Variants in SOS2 observed in about 807,000 individuals in gnomAD.
SOS2 encodes son of sevenless homolog 2.
A neutral mutation model predicts 148.2 loss-of-function variants in SOS2; 65 were observed. The observed-to-expected ratio is 0.44, with a 90% CI of 0.36 to 0.54. The LOEUF is 0.54. SOS2 is among the 20% of genes least tolerant of loss of function. The pLI is 0.00. For synonymous variants in SOS2, 539 were observed against 537.1 expected (o/e 1.00, Z -0.05); for missense variants, 1,341 against 1,590.2 (o/e 0.84, Z 2.67).
chr14:50,175,428 C>CTTTTTT (rs71441277), intron 7 of SOS2, among the ~76,000 whole-genome samples: 1 of 119,870 alleles, frequency 8.3e-6, no homozygotes. Flanking sequence ...AGGAGTAATA[C>CTTTTTT]TTTTTTTTTT....
At position 50,152,355 on chromosome 14, in the gene SOS2, C is replaced by G. The variant is rs190494536; in HGVS notation, c.2161+715G>C. ...CTCTCTTTCAGATTTCAGAAATATACCAAAAACATTTCCAGAAGATGTAAA... is the reference window on the plus strand; with the variant it reads ...CTCTCTTTCAGATTTCAGAAATATAGCAAAAACATTTCCAGAAGATGTAAA... On this transcript the variant is annotated intron_variant, in intron 13 of 22. Coordinates refer to ENST00000216373, the MANE Select transcript of SOS2 (RefSeq NM_006939.4). 1.8e-3 allele frequency among the ~76,000 whole-genome samples: 268 copies of G among 151,836 alleles called. 2 individuals are homozygous for G. The highest frequency in any genetic ancestry group is 6.3e-3 in the African/African-American group (261 of 41,384).
chr14:50,177,624 CTG>C (rs1289859067), intron 7 of SOS2, among the ~76,000 whole-genome samples: 1 of 151,858 alleles, frequency 6.6e-6, no homozygotes, highest in African/African-American at 2.4e-5. Flanking sequence ...TTCTTATAGA[CTG>C]TGTATTTAAT....
intron 19 of SOS2, among the ~76,000 whole-genome samples, chr14:50,132,929 G>C (rs1018000310): frequency 6.6e-6 from 1 of 152,108 alleles, no homozygotes; most frequent in African/African-American, 2.4e-5. Flanking sequence ...CAGATCATTA[G>C]GCATCCACTT....
chr14:50,123,511 A>G (rs1471579407), intron 21 of SOS2, among the ~76,000 whole-genome samples: 1 of 151,026 alleles, frequency 6.6e-6, no homozygotes, highest in African/African-American at 2.4e-5. Context: ...CCTCCTGAGT[A>G]TGCTGGGATT....
At position 50,181,544 on chromosome 14, in the gene SOS2, C is replaced by T. The variant is rs557684760; in HGVS notation, c.859-862G>A. On this transcript the variant is annotated intron_variant, in intron 6 of 22. Coordinates refer to ENST00000216373, the MANE Select transcript of SOS2 (RefSeq NM_006939.4). ...AAAAAAAAAGGAAAAAACTCTACAA[C>T]CTATGGATAATAGATAGTTAAAATA... Among the ~76,000 whole-genome samples, 9 of 151,032 alleles carry T rather than the reference C, an allele frequency of 6.0e-5. No homozygotes were observed. In the South Asian group the frequency reaches 1.9e-3, roughly 32 times the overall value.
chr14:50,199,628 G>A, intron 4 of SOS2, 63 bp downstream of exon 4: 1 of 973,102 alleles, frequency 1.0e-6, no homozygotes, highest in South Asian at 1.9e-5. Flanking sequence ...TACACAAAAA[G>A]ATTGAGGCAG....
intron 16 of SOS2, among the ~76,000 whole-genome samples, chr14:50,144,432 A>G (rs948246883): frequency 6.6e-6 from 1 of 151,758 alleles, no homozygotes; most frequent in African/African-American, 2.4e-5. Context: ...TAATTTAAAA[A>G]ATATATATAT....
chr14:50,228,656 G>A (rs1260330819), intron 1 of SOS2, among the ~76,000 whole-genome samples: 1 of 152,146 alleles, frequency 6.6e-6, no homozygotes, highest in Non-Finnish European at 1.5e-5. Flanking sequence ...GGACTAAACT[G>A]ACAGAGCCAA....
At chr14:50,193,910 G>A (rs571868826) in intron 4 of SOS2, among the ~76,000 whole-genome samples, 18 of 151,840 alleles carry the variant, frequency 1.2e-4, no homozygotes, top group South Asian at 2.1e-4. Context: ...ACGTCTGGAC[G>A]ATTTTTTGTA....
At chr14:50,214,838 C>CT (rs565287023) in intron 1 of SOS2, among the ~76,000 whole-genome samples, 4,352 of 136,538 alleles carry the variant, frequency 0.032, 78 homozygotes, top group Middle Eastern at 0.048. Context: ...TTCTTTCTTT[C>CT]TTTTTTTTTT....
rs183233602 is a variant in SOS2 at position 50,135,376 on chromosome 14, G to A, written c.2959-1137C>T. ...TTTAAGCTTAAATTTAAGTTTTAAC[G>A]TAGAAAATTCAGGTGATTTAGCACT... On this transcript the variant is annotated intron_variant, in intron 18 of 22. Transcript: ENST00000216373. Among the ~76,000 whole-genome samples the A allele has an allele frequency of 4.2e-3, 633 of 151,152 alleles. 17 individuals are homozygous for A. Among genetic ancestry groups the A allele is most frequent in the Non-Finnish European group, 2.0e-3 (134 of 67,822 alleles).
Position 50,156,976 on chromosome 14 carries a change from TATA to T in SOS2, c.2057+20_2057+22del. The T allele has an allele frequency of 2.9e-6, 4 of 1,381,032 alleles. No homozygotes were observed. Among genetic ancestry groups the T allele is most frequent in the Non-Finnish European group, 4.0e-6 (4 of 998,338 alleles). 85.5% of individuals were successfully genotyped at this position (1,381,032 alleles called of 1,614,324 possible). On this transcript the variant is annotated intron_variant, in intron 12 of 22. Coordinates refer to ENST00000216373, the MANE Select transcript of SOS2 (RefSeq NM_006939.4). Reference sequence around the variant, plus strand: ...GTATATATATGTGTATATATATATATATAAAAAATATTCAAGCCAAACCTAAGT... The same window carrying T: ...GTATATATATGTGTATATATATATATAAAAATATTCAAGCCAAACCTAAGT...
Position 50,153,054 on chromosome 14 carries a change from C to A in SOS2, c.2161+16G>T, listed in dbSNP as rs941982249. 7.1e-6 allele frequency: 9 copies of A among 1,275,226 alleles called. No homozygotes were observed. The African/African-American group carries it at 1.0e-4, about 15-fold the overall frequency. The allele number at this position is 1,275,226 out of a possible 1,614,324, so 79.0% of individuals were successfully genotyped here. On this transcript the variant is annotated intron_variant, in intron 13 of 22. Transcript: ENST00000216373. ...ATGTTCAATATAAGATTCAATCAAA[C>A]CTTTATATAATATACCTCTTACACT...
intron 4 of SOS2, among the ~76,000 whole-genome samples, chr14:50,192,790 G>A (rs1886187695): frequency 6.6e-6 from 1 of 152,118 alleles, no homozygotes. Flanking sequence ...ATTGAACCCA[G>A]GAGGCAGAGG....
In SOS2 at chr14:50,117,463, G is replaced by A. The variant is rs561663899; in HGVS notation, c.*881C>T. The stretch of plus-strand genomic sequence containing the variant: ...ACTAGGTCTTGAAGGCAAGGCAGTT[G>A]GTTCCTATGCCATAGAATTTTTTTT... On this transcript the variant is annotated 3_prime_UTR_variant, in exon 23 of 23. Coordinates refer to ENST00000216373, the MANE Select transcript of SOS2 (RefSeq NM_006939.4). 3.7e-4 allele frequency: 56 copies of A among 152,320 alleles called. No homozygotes were observed. Among genetic ancestry groups the A allele is most frequent in the African/African-American group, 1.3e-3 (55 of 41,572 alleles). The allele number at this position is 152,320 out of a possible 1,614,324, so 9.4% of individuals were successfully genotyped here. A position where few individuals can be genotyped will look rare whatever the true frequency, so the allele number is the denominator to read the frequency against.
intron 9 of SOS2, 72 bp from the exon 10 acceptor site, chr14:50,160,158 A>C: frequency 8.7e-7 from 1 of 1,151,860 alleles, no homozygotes; most frequent in Non-Finnish European, 1.2e-6. Context: ...AACCATCTCA[A>C]ATCAAGTGAG....
chr14:50,119,835 G>A (rs1485447278), intron 22 of SOS2, among the ~76,000 whole-genome samples: 29 of 85,282 alleles, frequency 3.4e-4, no homozygotes, highest in South Asian at 7.9e-4. Context: ...TTTGAGACAA[G>A]AGTTTTGCAA....
chr14:50,159,189 CA>C (rs567368640), intron 10 of SOS2, among the ~76,000 whole-genome samples: 117 of 137,300 alleles, frequency 8.5e-4, no homozygotes, highest in African/African-American at 1.7e-3. Context: ...GACTCTGTCT[CA>C]AAAAAAAAAA....
rs1566839629 is a variant in SOS2 at position 50,178,689 on chromosome 14, TATATATATATATATATATATATAC to T, written c.969+1859_969+1882del. On this transcript the variant is annotated intron_variant, in intron 7 of 22. Coordinates refer to ENST00000216373, the MANE Select transcript of SOS2 (RefSeq NM_006939.4). Reference sequence around the variant, plus strand: ...GTGTGTGCATATATATATATATATATATATATATATATATATATATATACACACATATACACACACATATATATA... The same window carrying T: ...GTGTGTGCATATATATATATATATATACACATATACACACACATATATATA... 5.3e-3 allele frequency among the ~76,000 whole-genome samples: 113 copies of T among 21,422 alleles called. 6 individuals are homozygous for T. The Middle Eastern group carries it at 0.057, about 11-fold the overall frequency. 14.1% of individuals were successfully genotyped at this position (21,422 alleles called of 152,430 possible). A position where few individuals can be genotyped will look rare whatever the true frequency, so the allele number is the denominator to read the frequency against.
Sources: allele counts gnomAD v4.1 joint callset (sites outside exome capture counted in the v4.1 genomes callset), GRCh38; gene constraint gnomAD v4.1.1; transcripts MANE v1.5; gene names NCBI Gene and HGNC (gene_info 2026-07-23, HGNC 2026-07-21).